Variants in ZCCHC17 observed in about 807,000 individuals in gnomAD.
ZCCHC17 encodes zinc finger CCHC-type containing 17, also known as zinc finger CCHC domain-containing protein 17.
Under a neutral mutation model 30.6 loss-of-function variants are expected in ZCCHC17, and 18 were observed. The ratio of observed to expected loss-of-function variants is 0.59; its 90% CI spans 0.41 to 0.87. The LOEUF (loss-of-function observed/expected upper bound fraction) is 0.87, where lower values mean the gene tolerates loss of function less well. ZCCHC17 is among the 40% of genes least tolerant of loss of function. The pLI is 0.00. For synonymous variants in ZCCHC17, 88 were observed against 92.4 expected (o/e 0.95, Z 0.27); for missense variants, 263 against 284.2 (o/e 0.93, Z 0.54).
intron 2 of ZCCHC17, among the ~76,000 whole-genome samples, chr1:31,318,010 G>A (rs1039739073): frequency 1.3e-5 from 2 of 152,106 alleles, no homozygotes; most frequent in African/African-American, 4.8e-5. Flanking sequence ...GCATCTTTTT[G>A]TCATCTATTG....
chr1:31,345,567 A>ATATATATAATATATAATATATAATATAT (rs1394716349), intron 5 of ZCCHC17, among the ~76,000 whole-genome samples: 4 of 99,568 alleles, frequency 4.0e-5, no homozygotes, highest in Non-Finnish European at 8.5e-5. Flanking sequence ...TATATAATAT[A>ATATATATAATATATAATATATAATATAT]ATATATATAT....
intron 1 of ZCCHC17, among the ~76,000 whole-genome samples, chr1:31,301,577 T>C (rs151180629): frequency 7.2e-5 from 11 of 152,306 alleles, no homozygotes; most frequent in East Asian, 3.9e-4. Flanking sequence ...TATAAGACTT[T>C]GAAGGGATCT....
rs750787016 is a variant in ZCCHC17 at position 31,339,010 on chromosome 1, G to C, written c.279G>C (p.Gly93=). 6.2e-7 allele frequency: 1 copy of C among 1,612,646 alleles called. No homozygotes were observed. The highest frequency in any genetic ancestry group is 1.1e-5 in the South Asian group (1 of 90,646). The change falls in exon 5 of 8, where the codon GGG becomes GGC. Residue 93 remains glycine, a synonymous_variant. Coordinates refer to ENST00000344147, the MANE Select transcript of ZCCHC17 (RefSeq NM_016505.4). ...VSLSMKVVNQ[G]TGKDLDPNNV... ...TCTCCATGAAGGTTGTCAATCAAGG[G>C]ACTGGGAAAGACCTTGATCCCAACA...
intron 3 of ZCCHC17, among the ~76,000 whole-genome samples, chr1:31,330,031 G>C (rs1010044983): frequency 1.3e-5 from 2 of 152,228 alleles, no homozygotes; most frequent in African/African-American, 4.8e-5. Context: ...ATATACCATT[G>C]ATTGGGAGAT....
At chr1:31,327,126 TTA>T (rs935037026) in intron 3 of ZCCHC17, among the ~76,000 whole-genome samples, 14 of 152,346 alleles carry the variant, frequency 9.2e-5, no homozygotes, top group African/African-American at 3.4e-4. Flanking sequence ...AAAATATTCC[TTA>T]TGTTCTCTGA....
At chr1:31,310,411 C>T (rs1020175889) in intron 2 of ZCCHC17, among the ~76,000 whole-genome samples, 2 of 152,228 alleles carry the variant, frequency 1.3e-5, no homozygotes, top group Non-Finnish European at 2.9e-5. Context: ...TATTTTTTCA[C>T]TGCTGTGGTT....
rs1204179373 is a variant in ZCCHC17 at position 31,338,943 on chromosome 1, T to G, written c.226-14T>G. ...TATTTAAAGTTTTTGGTGACTTTTT[T>G]TGGTCTCTTTCAGATGAAAAATGAT... On this transcript the variant is annotated splice_polypyrimidine_tract_variant and intron_variant, in intron 4 of 7. Coordinates refer to ENST00000344147, the MANE Select transcript of ZCCHC17 (RefSeq NM_016505.4). 2 of 1,582,560 alleles carry G rather than the reference T, an allele frequency of 1.3e-6. No homozygotes were observed. Among genetic ancestry groups the G allele is most frequent in the Non-Finnish European group, 1.7e-6 (2 of 1,168,476 alleles).
intron 2 of ZCCHC17, among the ~76,000 whole-genome samples, chr1:31,316,006 G>A (rs1318726908): frequency 6.6e-6 from 1 of 152,202 alleles, no homozygotes; most frequent in Non-Finnish European, 1.5e-5. Context: ...ACCATAATGT[G>A]ACACTGGAGC....
chr1:31,343,974 C>G (rs1051018691), intron 5 of ZCCHC17, among the ~76,000 whole-genome samples: 2 of 151,156 alleles, frequency 1.3e-5, no homozygotes, highest in African/African-American at 4.9e-5. Context: ...CCTGCCTCAG[C>G]CTCCCGAGTA....
chr1:31,349,644 G>T (rs1639398978), intron 7 of ZCCHC17, among the ~76,000 whole-genome samples: 1 of 151,970 alleles, frequency 6.6e-6, no homozygotes, highest in South Asian at 2.1e-4. Context: ...CTTTTTTCTA[G>T]GTAATAATAA....
chr1:31,353,673 A>G (rs1639546641), intron 7 of ZCCHC17, among the ~76,000 whole-genome samples: 1 of 152,148 alleles, frequency 6.6e-6, no homozygotes, highest in Non-Finnish European at 1.5e-5. Flanking sequence ...TATATGGTGT[A>G]CAGAAAGGGT....
intron 3 of ZCCHC17, among the ~76,000 whole-genome samples, chr1:31,333,553 G>C (rs1217126736): frequency 6.6e-6 from 1 of 151,982 alleles, no homozygotes; most frequent in Non-Finnish European, 1.5e-5. Context: ...ACATATGTGT[G>C]TGTGTATGTG....
chr1:31,306,495 T>A (rs1163031488), intron 1 of ZCCHC17, among the ~76,000 whole-genome samples: 1 of 152,196 alleles, frequency 6.6e-6, no homozygotes, highest in East Asian at 1.9e-4. Flanking sequence ...CAAGATTTCA[T>A]CACACTAATA....
chr1:31,345,799 A>G (rs1411011219), intron 5 of ZCCHC17, among the ~76,000 whole-genome samples: 1 of 151,068 alleles, frequency 6.6e-6, no homozygotes, highest in Non-Finnish European at 1.5e-5. Flanking sequence ...AGTGCCACAC[A>G]CTTTTAAACC....
chr1:31,336,404 AAAT>A (rs1448648774), intron 3 of ZCCHC17, among the ~76,000 whole-genome samples: 1 of 152,250 alleles, frequency 6.6e-6, no homozygotes, highest in Non-Finnish European at 1.5e-5. Flanking sequence ...TTTTGCTTTC[AAAT>A]AATTTTACCA....
intron 7 of ZCCHC17, among the ~76,000 whole-genome samples, chr1:31,350,775 T>A (rs1030588101): frequency 6.6e-6 from 1 of 152,006 alleles, no homozygotes; most frequent in Non-Finnish European, 1.5e-5. Context: ...AATTTTTGTA[T>A]TTTTTTAGTA....
intron 3 of ZCCHC17, among the ~76,000 whole-genome samples, chr1:31,332,403 A>T (rs1638628324): frequency 6.6e-6 from 1 of 152,156 alleles, no homozygotes; most frequent in Non-Finnish European, 1.5e-5. Context: ...TTAATGTCTC[A>T]ACTTTAATAA....
In ZCCHC17 at chr1:31,364,212, GGGT is replaced by G; in HGVS notation, c.*23_*25del. ...GGAGTGAGAGTATAAAGAGTGTAGGGGGTGGTTGAGAGTAAGAAACCAGGAGCC... is the reference window on the plus strand; with the variant it reads ...GGAGTGAGAGTATAAAGAGTGTAGGGGGTTGAGAGTAAGAAACCAGGAGCC... On this transcript the variant is annotated 3_prime_UTR_variant, in exon 8 of 8. Coordinates refer to ENST00000344147, the MANE Select transcript of ZCCHC17 (RefSeq NM_016505.4). 1 of 1,602,234 alleles carries G rather than the reference GGGT, an allele frequency of 6.2e-7. No homozygotes were observed. Among genetic ancestry groups the G allele is most frequent in the South Asian group, 1.1e-5 (1 of 89,994 alleles).
chr1:31,331,737 G>A (rs997245662), intron 3 of ZCCHC17, among the ~76,000 whole-genome samples: 15 of 151,288 alleles, frequency 9.9e-5, no homozygotes, highest in African/African-American at 2.9e-4. Context: ...TTAGCCTCCC[G>A]AATAGCTGGG....
Sources: gnomAD v4.1 joint callset for allele counts (sites outside exome capture counted in the v4.1 genomes callset) on GRCh38, gnomAD v4.1.1 for gene constraint, MANE v1.5 for transcripts, NCBI Gene and HGNC (gene_info 2026-07-23, HGNC 2026-07-21) for gene names.